The following DLGAP2 variants were observed in gnomAD, a reference collection of about 807,000 sequenced individuals.
The protein encoded by DLGAP2 is disks large-associated protein 2.
A neutral mutation model predicts 100.3 loss-of-function variants in DLGAP2; 26 were observed. That is an observed-to-expected ratio of 0.26 (90% CI 0.19 to 0.36). DLGAP2 has a LOEUF of 0.36. Among genes scored for constraint, DLGAP2 ranks in the 10% least tolerant of loss-of-function variants. The pLI, the probability that DLGAP2 is intolerant of heterozygous loss-of-function variation, is 1.00. For missense variants in DLGAP2, 1,858 were observed against 1,453.2 expected (o/e 1.28, Z -4.53); for synonymous variants, 886 against 630.1 (o/e 1.41, Z -6.08).
At chr8:1,149,398 C>T (rs777863246) in intron 2 of DLGAP2, among the ~76,000 whole-genome samples, 3 of 152,134 alleles carry the variant, frequency 2.0e-5, no homozygotes, top group Non-Finnish European at 4.4e-5. Flanking sequence ...CCGCTCACCT[C>T]GGCCTCCCAA....
intron 3 of DLGAP2, chr8:1,368,510 C>G (rs3793406): frequency 0.37 from 56,630 of 151,972 alleles, 10,850 homozygotes; most frequent in South Asian, 0.46. Context: ...TGAGGTCTAT[C>G]ACAGTAAATA....
At position 1,706,807 on chromosome 8, in the gene DLGAP2, G is replaced by T. The variant is rs1041930041; in HGVS notation, c.*5401G>T. The stretch of plus-strand genomic sequence containing the variant: ...AATCAGACACACTGACTCAAACCAC[G>T]CAAGGGTTTGAGAAGCCCACCCCTC... On this transcript the variant is annotated 3_prime_UTR_variant, in exon 15 of 15. Coordinates refer to ENST00000637795, the MANE Select transcript of DLGAP2 (RefSeq NM_001346810.2). The T allele has an allele frequency of 1.3e-5, 2 of 152,170 alleles. No homozygotes were observed. The highest frequency in any genetic ancestry group is 2.9e-5 in the Non-Finnish European group (2 of 68,040). The allele number at this position is 152,170 out of a possible 1,614,324, so 9.4% of individuals were successfully genotyped here.
In DLGAP2 at chr8:1,326,985, C is replaced by G. The variant is rs1050591683; in HGVS notation, c.106+68102C>G. ...AAATGTCTTGAGCAATGACACAGGC[C>G]TTGGGCTATGAGGGTGAACTAAGGC... On this transcript the variant is annotated intron_variant, in intron 3 of 14. Transcript: ENST00000637795. Among the ~76,000 whole-genome samples, 9 of 152,198 alleles carry G rather than the reference C, an allele frequency of 5.9e-5. No homozygotes were observed. In the East Asian group the frequency reaches 1.5e-3, roughly 26 times the overall value.
intron 1 of DLGAP2, among the ~76,000 whole-genome samples, chr8:751,819 A>T (rs1820798224): frequency 6.6e-6 from 1 of 152,100 alleles, no homozygotes; most frequent in African/African-American, 2.4e-5. Context: ...TAGGAAGTTC[A>T]TCTGACACTT....
At chr8:1,382,576 AAAAT>A (rs1796120960) in intron 3 of DLGAP2, among the ~76,000 whole-genome samples, 1 of 152,108 alleles carries the variant, frequency 6.6e-6, no homozygotes, top group African/African-American at 2.4e-5. Context: ...TCTCTACAAA[AAAAT>A]AAACTTTTAA....
chr8:1,494,479 C>G (rs558481176), intron 3 of DLGAP2, among the ~76,000 whole-genome samples: 44 of 152,278 alleles, frequency 2.9e-4, no homozygotes, highest in African/African-American at 1.0e-3. Flanking sequence ...CGCCTTAATC[C>G]CAGCACTTTG....
At chr8:1,060,479 G>A (rs959767565) in intron 2 of DLGAP2, among the ~76,000 whole-genome samples, 1 of 151,314 alleles carries the variant, frequency 6.6e-6, no homozygotes, top group African/African-American at 2.5e-5. Context: ...CCCTGCCCCT[G>A]CTTCACACGG....
chr8:1,198,544 A>G lies in DLGAP2; in HGVS notation c.74-60307A>G, dbSNP rs115507317. Among the ~76,000 whole-genome samples the G allele has an allele frequency of 7.8e-3, 1,186 of 152,188 alleles. 14 individuals carry two copies. Among genetic ancestry groups the G allele is most frequent in the African/African-American group, 0.027 (1,134 of 41,524 alleles). Reference sequence around the variant, plus strand: ...CGGGGGAAGGGGCTGCGAGGAGGGCACTCATGACTCAGGAGGGCCAGGTCC... The same window carrying G: ...CGGGGGAAGGGGCTGCGAGGAGGGCGCTCATGACTCAGGAGGGCCAGGTCC... On this transcript the variant is annotated intron_variant, in intron 2 of 14. Coordinates refer to ENST00000637795, the MANE Select transcript of DLGAP2 (RefSeq NM_001346810.2).
intron 2 of DLGAP2, among the ~76,000 whole-genome samples, chr8:1,193,649 C>G (rs148987063): frequency 1.3e-5 from 2 of 152,140 alleles, no homozygotes; most frequent in Non-Finnish European, 2.9e-5. Context: ...TTCCCTGGCA[C>G]GGCTGTTTCT....
At chr8:1,373,642 G>A (rs1365049762) in intron 3 of DLGAP2, 1 of 152,252 alleles carries the variant, frequency 6.6e-6, no homozygotes, top group Non-Finnish European at 1.5e-5. Flanking sequence ...CGCTGAAGGG[G>A]TTCCAGTCTC....
In DLGAP2 at chr8:1,198,432, G is replaced by A. The variant is rs115847737; in HGVS notation, c.74-60419G>A. Reference sequence around the variant, plus strand: ...TGTGTCCTGGGTGTGCAGAGGGAGCGCAGGTGGCAGCTGCCTCCCACCCAC... The same window carrying A: ...TGTGTCCTGGGTGTGCAGAGGGAGCACAGGTGGCAGCTGCCTCCCACCCAC... On this transcript the variant is annotated intron_variant, in intron 2 of 14. Coordinates refer to ENST00000637795, the MANE Select transcript of DLGAP2 (RefSeq NM_001346810.2). Among the ~76,000 whole-genome samples the A allele has an allele frequency of 6.4e-3, 967 of 152,006 alleles. 14 individuals are homozygous for A. Among genetic ancestry groups the A allele is most frequent in the African/African-American group, 0.021 (886 of 41,438 alleles).
intron 3 of DLGAP2, among the ~76,000 whole-genome samples, chr8:1,362,583 C>T (rs1184646774): frequency 2.6e-5 from 4 of 152,124 alleles, no homozygotes; most frequent in African/African-American, 9.7e-5. Context: ...CCACAGTCAC[C>T]ATGGAAAATT....
intron 2 of DLGAP2, among the ~76,000 whole-genome samples, chr8:1,186,649 A>T (rs1797511263): frequency 6.6e-6 from 1 of 151,768 alleles, no homozygotes. Context: ...TATCTGTGGG[A>T]TATGACCATT....
chr8:1,123,410 C>T (rs994855281), intron 2 of DLGAP2, among the ~76,000 whole-genome samples: 17 of 152,160 alleles, frequency 1.1e-4, no homozygotes, highest in African/African-American at 4.1e-4. Context: ...CAGAATGAGA[C>T]ACCAGGACCT....
intron 3 of DLGAP2, among the ~76,000 whole-genome samples, chr8:1,340,353 T>C (rs1202524126): frequency 6.6e-6 from 1 of 152,220 alleles, no homozygotes; most frequent in Non-Finnish European, 1.5e-5. Context: ...AAAGGTCTAA[T>C]ATCTGGCATC....
At chr8:1,287,157 TGCGCGCGCGCGC>T (rs1259394109) in intron 3 of DLGAP2, among the ~76,000 whole-genome samples, 5 of 99,494 alleles carry the variant, frequency 5.0e-5, no homozygotes, top group South Asian at 9.4e-4. Context: ...TGTGTGTGTG[TGCGCGCGCGCGC>T]GTGGTTCTGT....
At chr8:770,533 G>A (rs548086508) in intron 1 of DLGAP2, among the ~76,000 whole-genome samples, 18 of 152,232 alleles carry the variant, frequency 1.2e-4, no homozygotes, top group Non-Finnish European at 2.2e-4. Flanking sequence ...CCAATCCCCC[G>A]CCTCCTCTCA....
chr8:954,780 G>A (rs1258022658), intron 2 of DLGAP2, among the ~76,000 whole-genome samples: 1 of 152,174 alleles, frequency 6.6e-6, no homozygotes, highest in East Asian at 1.9e-4. Context: ...AGATGGCCAG[G>A]GAGTTGTGTC....
At chr8:1,037,421 C>A (rs930292197) in intron 2 of DLGAP2, among the ~76,000 whole-genome samples, 1 of 152,124 alleles carries the variant, frequency 6.6e-6, no homozygotes, top group Non-Finnish European at 1.5e-5. Flanking sequence ...TGTGAAGGGG[C>A]CTCTCTCCAC....
Sources: allele counts gnomAD v4.1 joint callset (sites outside exome capture counted in the v4.1 genomes callset), GRCh38; gene constraint gnomAD v4.1.1; transcripts MANE v1.5; gene names NCBI Gene and HGNC (gene_info 2026-07-23, HGNC 2026-07-21).